KIRREL3: variants seen among roughly 807,000 people sequenced by gnomAD.
KIRREL3 encodes kin of IRRE-like protein 3.
KIRREL3 carries 36 observed loss-of-function variants against 89.7 expected under a neutral mutation model. The observed-to-expected ratio is 0.40, with a 90% confidence interval of 0.31 to 0.53. The LOEUF is 0.53. KIRREL3 is among the 20% of genes least tolerant of loss of function. KIRREL3 has a pLI of 0.49. For missense variants in KIRREL3, 864 were observed against 1,056.6 expected (o/e 0.82, Z 2.53); for synonymous variants, 445 against 441.4 (o/e 1.01, Z -0.10).
intron 1 of KIRREL3, among the ~76,000 whole-genome samples, chr11:126,688,867 C>A (rs894097396): frequency 1.3e-5 from 2 of 152,046 alleles, no homozygotes; most frequent in Admixed American, 6.5e-5. Context: ...TAACAATGAA[C>A]ACTCAGAGCT....
chr11:126,964,483 C>T (rs564669487), intron 1 of KIRREL3, among the ~76,000 whole-genome samples: 112 of 152,158 alleles, frequency 7.4e-4, no homozygotes, highest in Non-Finnish European at 1.3e-3. Context: ...GTAGGTCCTC[C>T]TAGAACCCCT....
At chr11:126,963,216 TG>T (rs1479765205) in intron 1 of KIRREL3, among the ~76,000 whole-genome samples, 1 of 152,054 alleles carries the variant, frequency 6.6e-6, no homozygotes, top group African/African-American at 2.4e-5. Context: ...CAGGAACAGT[TG>T]TGGAAGAGAT....
rs193127913 is a variant in KIRREL3 at position 126,579,510 on chromosome 11, G to C, written c.56-16598C>G. Among the ~76,000 whole-genome samples, 1 of 152,268 alleles carries C rather than the reference G, an allele frequency of 6.6e-6. No individual in the cohort carries two copies. The highest frequency in any genetic ancestry group is 2.4e-5 in the African/African-American group (1 of 41,546). The stretch of plus-strand genomic sequence containing the variant: ...TAATTTAACGAATAACTTCTCTCAT[G>C]AGCAAATGGGGTCCGGGTTCATGCA... On this transcript the variant is annotated intron_variant, in intron 1 of 16. Coordinates refer to ENST00000525144, the MANE Select transcript of KIRREL3 (RefSeq NM_032531.4). This position sits in a 1 kb window ranked among gnomAD's most constrained non-coding sequence, Gnocchi z 5.3.
At position 126,795,811 on chromosome 11, in the gene KIRREL3, CT is replaced by C. The variant is rs1405148987; in HGVS notation, c.55+204643del. Among the ~76,000 whole-genome samples the C allele has an allele frequency of 1.3e-5, 2 of 152,110 alleles. No homozygotes were observed. The highest frequency in any genetic ancestry group is 2.9e-5 in the Non-Finnish European group (2 of 68,042). On this transcript the variant is annotated intron_variant, in intron 1 of 16. Transcript: ENST00000525144. The surrounding 1 kb of genome is among the most constrained non-coding windows in gnomAD (Gnocchi z 4.1). ...CTTCAACCACCAGTTCTTCTTCCCCCTGTGCACCCCAAGAGCGTACATCAGC... is the reference window on the plus strand; with the variant it reads ...CTTCAACCACCAGTTCTTCTTCCCCCGTGCACCCCAAGAGCGTACATCAGC...
chr11:126,590,747 G>A (rs1159661230), intron 1 of KIRREL3, among the ~76,000 whole-genome samples: 1 of 152,130 alleles, frequency 6.6e-6, no homozygotes, highest in Non-Finnish European at 1.5e-5. Flanking sequence ...AGGAGGCTGG[G>A]GACACAGCTG....
At chr11:126,589,153 C>T (rs538388827) in intron 1 of KIRREL3, among the ~76,000 whole-genome samples, 146 of 152,344 alleles carry the variant, frequency 9.6e-4, no homozygotes, top group African/African-American at 3.5e-3. Flanking sequence ...GTGTCTGCCT[C>T]CTGCGGCTCT....
At chr11:126,539,211 G>A (rs1225426905) in intron 2 of KIRREL3, among the ~76,000 whole-genome samples, 1 of 152,198 alleles carries the variant, frequency 6.6e-6, no homozygotes, top group East Asian at 1.9e-4. Flanking sequence ...TGTGCACAGA[G>A]CCCTGCCTGC....
In KIRREL3 at chr11:126,766,878, G is replaced by A. The variant is rs1949840699; in HGVS notation, c.56-203966C>T. ...TAAGAGAAAGAGATTGCTCTGTCTT[G>A]CATAGGGGCAAAGTGAGGCACAGAG... On this transcript the variant is annotated intron_variant, in intron 1 of 16. Transcript: ENST00000525144. The surrounding 1 kb of genome is among the most constrained non-coding windows in gnomAD (Gnocchi z 4.2). Among the ~76,000 whole-genome samples, 1 of 152,236 alleles carries A rather than the reference G, an allele frequency of 6.6e-6. No homozygotes were observed. The highest frequency in any genetic ancestry group is 1.5e-5 in the Non-Finnish European group (1 of 68,048).
rs1946192429 is a variant in KIRREL3, at chr11:126,676,447, G to A, written c.56-113535C>T. On this transcript the variant is annotated intron_variant, in intron 1 of 16. Coordinates refer to ENST00000525144, the MANE Select transcript of KIRREL3 (RefSeq NM_032531.4). The surrounding 1 kb of genome is among the most constrained non-coding windows in gnomAD (Gnocchi z 4.5). ...CCAGGGCCACTGGGCTGGCTCTGCA[G>A]TTGGCCACACTGAGGCTGTTCTTTG... Among the ~76,000 whole-genome samples the A allele has an allele frequency of 6.6e-6, 1 of 152,172 alleles. No homozygotes were observed. Among genetic ancestry groups the A allele is most frequent in the African/African-American group, 2.4e-5 (1 of 41,434 alleles).
At chr11:126,511,372 C>T (rs1316586772) in intron 4 of KIRREL3, among the ~76,000 whole-genome samples, 1 of 152,002 alleles carries the variant, frequency 6.6e-6, no homozygotes, top group African/African-American at 2.4e-5. Flanking sequence ...CCCAGGCTGC[C>T]TGGAGAGGCA....
intron 4 of KIRREL3, among the ~76,000 whole-genome samples, chr11:126,510,035 A>AAAAAAAAG (rs1459570094): frequency 6.6e-6 from 1 of 150,770 alleles, no homozygotes; most frequent in Non-Finnish European, 1.5e-5. Flanking sequence ...AGAAAAAAAG[A>AAAAAAAAG]AAAAAAAGAA....
rs1369000037 is a variant in KIRREL3 at position 126,526,754 on chromosome 11, G to T, written c.134-67C>A. 12 of 1,495,612 alleles carry T rather than the reference G, an allele frequency of 8.0e-6. No homozygotes were observed. The highest frequency in any genetic ancestry group is 1.1e-5 in the Non-Finnish European group (12 of 1,103,208). 92.6% of individuals were successfully genotyped at this position (1,495,612 alleles called of 1,614,324 possible). A position where few individuals can be genotyped will look rare whatever the true frequency, so the allele number is the denominator to read the frequency against. The stretch of plus-strand genomic sequence containing the variant: ...ACAGGGGCGAGAAGGCTCCCCTCCA[G>T]CTATGGAAGCAGAGCAGGGCTGGCG... On this transcript the variant is annotated intron_variant, in intron 2 of 16. Coordinates refer to ENST00000525144, the MANE Select transcript of KIRREL3 (RefSeq NM_032531.4). The surrounding 1 kb of genome is among the most constrained non-coding windows in gnomAD (Gnocchi z 5.7).
intron 1 of KIRREL3, among the ~76,000 whole-genome samples, chr11:126,921,957 A>C (rs1947340077): frequency 7.3e-6 from 1 of 136,968 alleles, no homozygotes; most frequent in African/African-American, 2.8e-5. Context: ...TATCATCTGT[A>C]TATCTATATC....
At chr11:126,593,137 G>T (rs955858904) in intron 1 of KIRREL3, among the ~76,000 whole-genome samples, 2 of 152,204 alleles carry the variant, frequency 1.3e-5, no homozygotes, top group African/African-American at 4.8e-5. Context: ...GCTTACCACG[G>T]AACCAGGATG....
At chr11:126,972,441 T>C (rs1949452843) in intron 1 of KIRREL3, among the ~76,000 whole-genome samples, 1 of 147,502 alleles carries the variant, frequency 6.8e-6, no homozygotes, top group Non-Finnish European at 1.5e-5. Context: ...GCCACCATGA[T>C]TCCGTCACTG....
chr11:126,825,201 G>T (rs150944186), intron 1 of KIRREL3, among the ~76,000 whole-genome samples: 48 of 152,186 alleles, frequency 3.2e-4, no homozygotes, highest in Admixed American at 1.6e-3. Flanking sequence ...AAAACGAAGC[G>T]CTTGGGCATA....
In KIRREL3 at chr11:126,553,379, C is replaced by T. The variant is rs1046097758; in HGVS notation, c.133+9456G>A. Among the ~76,000 whole-genome samples, 1 of 152,206 alleles carries T rather than the reference C, an allele frequency of 6.6e-6. No homozygotes were observed. The highest frequency in any genetic ancestry group is 2.4e-5 in the African/African-American group (1 of 41,456). On this transcript the variant is annotated intron_variant, in intron 2 of 16. Transcript: ENST00000525144. This position sits in a 1 kb window ranked among gnomAD's most constrained non-coding sequence, Gnocchi z 4.7. ...CCATTTGTAGACCCGCAGCACCAGT[C>T]TCACTTGCTAGCTGTGTTTAGAGCC...
intron 6 of KIRREL3, among the ~76,000 whole-genome samples, chr11:126,461,490 C>A (rs536734458): frequency 6.6e-6 from 1 of 152,242 alleles, no homozygotes; most frequent in African/African-American, 2.4e-5. Context: ...CCAGAAGGCT[C>A]CTTGGTACAG....
At chr11:126,786,223 G>A (rs977437621) in intron 1 of KIRREL3, among the ~76,000 whole-genome samples, 3 of 152,040 alleles carry the variant, frequency 2.0e-5, no homozygotes, top group African/African-American at 7.2e-5. Context: ...ATGAAAAAAG[G>A]GGAAGATAAA....
Sources: allele counts gnomAD v4.1 joint callset (sites outside exome capture counted in the v4.1 genomes callset), GRCh38; gene constraint gnomAD v4.1.1; non-coding constraint Gnocchi (gnomAD v3.1); transcripts MANE v1.5; gene names NCBI Gene and HGNC (gene_info 2026-07-23, HGNC 2026-07-21).